The following SENP6 variants were observed in gnomAD, a reference collection of about 807,000 sequenced individuals.
SENP6 encodes SUMO specific peptidase 6.
In SENP6, 41 loss-of-function variants were observed where a neutral mutation model predicts 134.5. The observed-to-expected ratio is 0.30, with a 90% CI of 0.24 to 0.40. The LOEUF (loss-of-function observed/expected upper bound fraction) is 0.40, where lower values mean the gene tolerates loss of function less well. Ranked by LOEUF, SENP6 falls within the 10% of genes least tolerant of loss-of-function variation. The pLI, the probability that SENP6 is intolerant of heterozygous loss-of-function variation, is 1.00. For synonymous variants in SENP6, 395 were observed against 429.8 expected (o/e 0.92, Z 1.00); for missense variants, 1,248 against 1,312.5 (o/e 0.95, Z 0.76).
At chr6:75,683,681 A>T (rs1219025663) in intron 16 of SENP6, among the ~76,000 whole-genome samples, 1 of 152,044 alleles carries the variant, frequency 6.6e-6, no homozygotes, top group African/African-American at 2.4e-5. Context: ...TGTTTTTGTC[A>T]GGTTTGTCAA....
intron 5 of SENP6, among the ~76,000 whole-genome samples, chr6:75,637,823 A>T: frequency 6.6e-6 from 1 of 152,126 alleles, no homozygotes; most frequent in East Asian, 1.9e-4. Context: ...AGAATAAGTA[A>T]TATTTAATTA....
intron 3 of SENP6, among the ~76,000 whole-genome samples, chr6:75,630,890 A>C (rs1769061967): frequency 6.6e-6 from 1 of 152,078 alleles, no homozygotes; most frequent in South Asian, 2.1e-4. Context: ...TTTAAAAGCA[A>C]AAAAGGAAAA....
chr6:75,689,377 A>G (rs547708356), intron 16 of SENP6, among the ~76,000 whole-genome samples: 2 of 152,332 alleles, frequency 1.3e-5, no homozygotes, highest in South Asian at 4.1e-4. Flanking sequence ...AATATAACAC[A>G]GTGTCATCTC....
chr6:75,610,615 T>C (rs1422511311), intron 1 of SENP6, among the ~76,000 whole-genome samples: 1 of 152,190 alleles, frequency 6.6e-6, no homozygotes, highest in Non-Finnish European at 1.5e-5. Context: ...AATTATTAAC[T>C]ATTATCTTCA....
chr6:75,611,826 CCTGA>C (rs551501799), intron 1 of SENP6: 22 of 152,226 alleles, frequency 1.4e-4, no homozygotes, highest in African/African-American at 4.1e-4. Flanking sequence ...TAAACTGCTG[CCTGA>C]CTAACGAACT....
chr6:75,718,091 A>AT lies in SENP6; in HGVS notation c.*2499dup, dbSNP rs1776088844. On this transcript the variant is annotated 3_prime_UTR_variant, in exon 24 of 24. Coordinates refer to ENST00000447266, the MANE Select transcript of SENP6 (RefSeq NM_015571.4). Reference sequence around the variant, plus strand: ...AGGTTTTATTTGAAAACATAAAATGATTCTCTAAATTACATCTTGTTTTAA... The same window carrying AT: ...AGGTTTTATTTGAAAACATAAAATGATTTCTCTAAATTACATCTTGTTTTAA... 1 of 138,010 alleles carries AT rather than the reference A, an allele frequency of 7.2e-6. No individual in the cohort carries two copies. The highest frequency in any genetic ancestry group is 1.6e-5 in the Non-Finnish European group (1 of 61,156). The allele number at this position is 138,010 out of a possible 1,614,324, so 8.5% of individuals were successfully genotyped here.
intron 1 of SENP6, among the ~76,000 whole-genome samples, chr6:75,603,482 CT>C (rs893116922): frequency 2.0e-5 from 3 of 152,118 alleles, no homozygotes; most frequent in African/African-American, 7.2e-5. Flanking sequence ...ACTCATTCTT[CT>C]TGTTAAAAAG....
chr6:75,660,570 A>G (rs1443421213), intron 8 of SENP6, among the ~76,000 whole-genome samples: 3 of 151,936 alleles, frequency 2.0e-5, no homozygotes, highest in African/African-American at 4.8e-5. Flanking sequence ...TTCTTTGAAG[A>G]CATTCATGAC....
intron 10 of SENP6, among the ~76,000 whole-genome samples, chr6:75,669,006 A>AAAAAC (rs1306043670): frequency 6.6e-6 from 1 of 152,198 alleles, no homozygotes; most frequent in African/African-American, 2.4e-5. Context: ...CTCTACAGCT[A>AAAAAC]AAAACAAAAC....
Position 75,702,778 on chromosome 6 carries a change from G to A in SENP6, c.2422G>A (p.Ala808Thr), listed in dbSNP as rs201398729. 1.4e-4 allele frequency: 231 copies of A among 1,613,946 alleles called. 1 individual carries two copies. The Admixed American group carries it at 1.9e-3, about 13-fold the overall frequency. ...AGAGGACAGTTGTATTTCTTCTTCA[G>A]CCAGTGAAATGGAGAGTTGTTCACA... ...TVEDSCISSS[A>T]SEMESCSQNS... Residue 808 changes from alanine to threonine, a missense_variant, in exon 19 of 24, where the codon GCC (alanine) becomes ACC (threonine). Physicochemically the swap from Ala to Thr is moderately conservative, Grantham distance 58. Coordinates refer to ENST00000447266, the MANE Select transcript of SENP6 (RefSeq NM_015571.4).
chr6:75,632,081 TGCATA>T (rs1280766140), intron 3 of SENP6, among the ~76,000 whole-genome samples: 3 of 152,236 alleles, frequency 2.0e-5, no homozygotes, highest in Non-Finnish European at 4.4e-5. Context: ...ACAGCATTGC[TGCATA>T]GTACCAGAGT....
intron 16 of SENP6, among the ~76,000 whole-genome samples, chr6:75,685,320 T>G (rs535309256): frequency 6.6e-6 from 1 of 152,320 alleles, no homozygotes; most frequent in East Asian, 1.9e-4. Flanking sequence ...TGTTGATCTT[T>G]TCAAAAAACC....
Position 75,626,188 on chromosome 6 carries a change from C to A in SENP6, c.207+2228C>A, listed in dbSNP as rs191051272. On this transcript the variant is annotated intron_variant, in intron 3 of 23. Coordinates refer to ENST00000447266, the MANE Select transcript of SENP6 (RefSeq NM_015571.4). ...ATAGTGAGGAATTGCATTTTATTTT[C>A]ATTTTAATTTTTATTATGTAAATTT... 1.8e-3 allele frequency among the ~76,000 whole-genome samples: 266 copies of A among 151,660 alleles called. 1 individual carries two copies. The highest frequency in any genetic ancestry group is 3.1e-3 in the Non-Finnish European group (212 of 67,816).
chr6:75,642,614 G>A (rs1770113977), intron 6 of SENP6, among the ~76,000 whole-genome samples: 3 of 152,190 alleles, frequency 2.0e-5, no homozygotes, highest in South Asian at 2.1e-4. Flanking sequence ...TGGGACCTAC[G>A]TCATAAAAGG....
At chr6:75,664,141 T>G (rs1772004865) in intron 9 of SENP6, among the ~76,000 whole-genome samples, 1 of 152,048 alleles carries the variant, frequency 6.6e-6, no homozygotes, top group African/African-American at 2.4e-5. Flanking sequence ...ACATAATTTC[T>G]TCTAAAAAAT....
chr6:75,692,336 T>TAGGCC (rs1774335966), intron 16 of SENP6, among the ~76,000 whole-genome samples: 1 of 152,072 alleles, frequency 6.6e-6, no homozygotes, highest in Non-Finnish European at 1.5e-5. Context: ...AAGCATAAAT[T>TAGGCC]AGGCCAGGTG....
At chr6:75,656,847 C>A (rs1369493921) in intron 7 of SENP6, among the ~76,000 whole-genome samples, 2 of 152,084 alleles carry the variant, frequency 1.3e-5, no homozygotes, top group African/African-American at 4.8e-5. Flanking sequence ...ATTTTAATGT[C>A]ATTTTTCTCT....
intron 2 of SENP6, among the ~76,000 whole-genome samples, chr6:75,623,063 C>CA (rs1446226487): frequency 2.0e-5 from 3 of 151,798 alleles, no homozygotes; most frequent in Non-Finnish European, 4.4e-5. Flanking sequence ...ACTTTTTAAT[C>CA]ATTAAAAAAA....
chr6:75,647,750 G>T lies in SENP6; in HGVS notation c.499G>T (p.Val167Phe), dbSNP rs780108553. The change falls in exon 7 of 24, where the codon GTC becomes TTC. Residue 167 changes from valine (V) to phenylalanine (F), a missense_variant. Physicochemically the swap from Val to Phe is conservative, Grantham distance 50. Transcript: ENST00000447266. ...RKERKEYPPH[V>F]QKVEINPVRL... ...TTTTAGGAAAGAATACCCACCTCAT[G>T]TCCAAAAAGTTGAAATTAATCCTGT... The T allele has an allele frequency of 6.8e-6, 11 of 1,611,896 alleles. No individual in the cohort carries two copies. The highest frequency in any genetic ancestry group is 5.9e-6 in the Non-Finnish European group (7 of 1,178,438).
Sources: allele counts gnomAD v4.1 joint callset (sites outside exome capture counted in the v4.1 genomes callset), GRCh38; gene constraint gnomAD v4.1.1; transcripts MANE v1.5; gene names NCBI Gene and HGNC (gene_info 2026-07-23, HGNC 2026-07-21).